The following GLUL variants were observed in gnomAD, a reference collection of about 807,000 sequenced individuals.
GLUL encodes the protein glutamine synthetase.
Under a neutral mutation model 36.9 loss-of-function variants are expected in GLUL, and 8 were observed. That is an observed-to-expected ratio of 0.22 (90% CI 0.13 to 0.39). The LOEUF is 0.39. Ranked by LOEUF, GLUL falls within the 10% of genes least tolerant of loss-of-function variation. The pLI is 1.00. For missense variants in GLUL, 315 were observed against 501.8 expected, an observed-to-expected ratio of 0.63 and a Z score of 3.56; for synonymous variants, 182 against 172.8, an observed-to-expected ratio of 1.05 and a Z score of -0.42.
intron 1 of GLUL, chr1:182,390,777 AG>A (rs1266663504): frequency 2.5e-6 from 1 of 399,026 alleles, no homozygotes; most frequent in Admixed American, 4.4e-5. Flanking sequence ...GACCCGGAGG[AG>A]TCTGACTTCT....
chr1:182,388,666 C>T lies in GLUL; in HGVS notation c.72G>A (p.Glu24=). 6.2e-7 allele frequency: 1 copy of T among 1,613,824 alleles called. No homozygotes were observed. The highest frequency in any genetic ancestry group is 1.7e-4 in the Middle Eastern group (1 of 6,060). The change falls in exon 2 of 7, where the codon GAG becomes GAA. Residue 24 remains glutamate (E), a synonymous_variant. Transcript: ENST00000331872. Reference sequence around the variant, plus strand: ...TCCAGATATACATGGCCTGGACTTTCTCACCCTGAGGCAGGGACATGTACA... The same window carrying T: ...TCCAGATATACATGGCCTGGACTTTTTCACCCTGAGGCAGGGACATGTACA... The part of the protein sequence containing the change: ...KQVYMSLPQG[E]KVQAMYIWID...
intron 2 of GLUL, among the ~76,000 whole-genome samples, 165 bp downstream of exon 2, chr1:182,388,407 A>G (rs547505954): frequency 2.6e-5 from 4 of 152,304 alleles, no homozygotes; most frequent in African/African-American, 9.6e-5. Context: ...GCTTTGAGGC[A>G]GTGTAGGAGC....
chr1:182,384,186 G>A lies in GLUL; in HGVS notation c.*219C>T. ...CCCACTAATGCACTAAAAAGCTTCA[G>A]TGATAGGGAAAAAAAGGAGGGTAGG... On this transcript the variant is annotated 3_prime_UTR_variant, in exon 7 of 7. Coordinates refer to ENST00000331872, the MANE Select transcript of GLUL (RefSeq NM_001033044.4). The A allele has an allele frequency of 1.8e-6, 1 of 552,330 alleles. No homozygotes were observed. The highest frequency in any genetic ancestry group is 3.0e-5 in the Admixed American group (1 of 32,940). 34.2% of individuals were successfully genotyped at this position (552,330 alleles called of 1,614,324 possible).
At chr1:182,385,195 T>C in intron 6 of GLUL, 162 bp downstream of exon 6, 1 of 657,014 alleles carries the variant, frequency 1.5e-6, no homozygotes, top group Admixed American at 2.3e-5. Flanking sequence ...AAGGCAAGTG[T>C]CAACACCTAA....
chr1:182,379,549 ATT>A lies in GLUL; in HGVS notation c.*4854_*4855del, dbSNP rs970464169. ...AAACTGCCAGTTTACATCAGTTATA[ATT>A]TTTTTTTGTTTTTTTGAGACAGGGT... On this transcript the variant is annotated 3_prime_UTR_variant, in exon 7 of 7. Coordinates refer to ENST00000331872, the MANE Select transcript of GLUL (RefSeq NM_001033044.4). 6.7e-6 allele frequency among the ~76,000 whole-genome samples: 1 copy of A among 150,066 alleles called. No homozygotes were observed. Among genetic ancestry groups the A allele is most frequent in the Admixed American group, 6.6e-5 (1 of 15,064 alleles).
chr1:182,391,410 G>T (rs546447641), intron 1 of GLUL: 1 of 394,246 alleles, frequency 2.5e-6, no homozygotes, highest in South Asian at 1.4e-4. Flanking sequence ...GTAGTGAAAA[G>T]AAGATCAAAA....
rs1020554802 is a variant in GLUL at position 182,386,413 on chromosome 1, G to C, written c.329-11C>G. The C allele has an allele frequency of 6.3e-7, 1 of 1,597,126 alleles. No homozygotes were observed. The highest frequency in any genetic ancestry group is 8.6e-7 in the Non-Finnish European group (1 of 1,164,656). On this transcript the variant is annotated splice_polypyrimidine_tract_variant and intron_variant, in intron 3 of 6. Transcript: ENST00000331872. ...GCCTCAAATTGGTCTCTAGAAAAAA[G>C]AGTCAATAATACGCCATCAGGGATC...
At position 182,379,369 on chromosome 1, in the gene GLUL, CCCA is replaced by C. The variant is rs989409740; in HGVS notation, c.*5033_*5035del. Among the ~76,000 whole-genome samples the C allele has an allele frequency of 2.6e-5, 4 of 151,968 alleles. No individual in the cohort carries two copies. The highest frequency in any genetic ancestry group is 4.8e-5 in the African/African-American group (2 of 41,368). Reference sequence around the variant, plus strand: ...TCCTGAGTAGCTGGAATTATAGGCACCCACCACCACATCTTGCTAATTTTGGTA... The same window carrying C: ...TCCTGAGTAGCTGGAATTATAGGCACCCACCACATCTTGCTAATTTTGGTA... On this transcript the variant is annotated 3_prime_UTR_variant, in exon 7 of 7. Transcript: ENST00000331872.
chr1:182,385,912 C>T (rs1329564535), intron 4 of GLUL, 25 bp from the exon 5 acceptor site: 1 of 1,610,374 alleles, frequency 6.2e-7, no homozygotes. Flanking sequence ...GGACAAAACA[C>T]TAAGAGTCAA....
chr1:182,382,444 C>T lies in GLUL; in HGVS notation c.*1961G>A, dbSNP rs542537003. ...GATGAGCCCATGCCTAGGGCATAGCCAGCCTTGGAAGGCTTCAACCAGGGT... is the reference window on the plus strand; with the variant it reads ...GATGAGCCCATGCCTAGGGCATAGCTAGCCTTGGAAGGCTTCAACCAGGGT... On this transcript the variant is annotated 3_prime_UTR_variant, in exon 7 of 7. Transcript: ENST00000331872. The T allele has an allele frequency of 6.6e-5, 10 of 152,168 alleles. No individual in the cohort carries two copies. Among genetic ancestry groups the T allele is most frequent in the Non-Finnish European group, 1.5e-4 (10 of 68,044 alleles). 9.4% of individuals were successfully genotyped at this position (152,168 alleles called of 1,614,324 possible).
At position 182,384,489 on chromosome 1, in the gene GLUL, G is replaced by A. The variant is rs776531451; in HGVS notation, c.1038C>T (p.Cys346=). The change falls in exon 7 of 7, where the codon TGC becomes TGT. Residue 346 remains cysteine, a synonymous_variant. Coordinates refer to ENST00000331872, the MANE Select transcript of GLUL (RefSeq NM_001033044.4). ...GGGCTTCTGTCACCGAAAAGGGGTCGCAGTTGGCAGAGGGGCGACGATCTT... is the reference window on the plus strand; with the variant it reads ...GGGCTTCTGTCACCGAAAAGGGGTCACAGTTGGCAGAGGGGCGACGATCTT... ...YFEDRRPSAN[C]DPFSVTEALI... is the part of the protein sequence containing the mutation. 5.5e-5 allele frequency: 89 copies of A among 1,613,678 alleles called. No homozygotes were observed. The highest frequency in any genetic ancestry group is 4.9e-4 in the Middle Eastern group (3 of 6,078).
At position 182,388,474 on chromosome 1, in the gene GLUL, GAAGA is replaced by G. The variant is rs1355089950; in HGVS notation, c.166+94_166+97del. 50 of 1,066,766 alleles carry G rather than the reference GAAGA, an allele frequency of 4.7e-5. 2 individuals are homozygous for G. The highest frequency in any genetic ancestry group is 4.5e-4 in the South Asian group (36 of 79,242). 66.1% of individuals were successfully genotyped at this position (1,066,766 alleles called of 1,614,324 possible). ...CTGCCTTAGAAAACCTTTACAAACA[GAAGA>G]AAGAGGCCTAATCCAGAGGCTGAGT... On this transcript the variant is annotated intron_variant, in intron 2 of 6. Coordinates refer to ENST00000331872, the MANE Select transcript of GLUL (RefSeq NM_001033044.4).
rs1649932227 is a variant in GLUL, at chr1:182,381,686, G to A, written c.*2719C>T. On this transcript the variant is annotated 3_prime_UTR_variant, in exon 7 of 7. Coordinates refer to ENST00000331872, the MANE Select transcript of GLUL (RefSeq NM_001033044.4). Reference sequence around the variant, plus strand: ...ATTTTGTCATGGAATTGATTACAATGAACAAAATCCAAAGTGCTCAGGTCA... The same window carrying A: ...ATTTTGTCATGGAATTGATTACAATAAACAAAATCCAAAGTGCTCAGGTCA... The A allele has an allele frequency of 6.6e-6, 1 of 152,118 alleles. No homozygotes were observed. The highest frequency in any genetic ancestry group is 1.5e-5 in the Non-Finnish European group (1 of 68,028). The allele number at this position is 152,118 out of a possible 1,614,324, so 9.4% of individuals were successfully genotyped here. A position where few individuals can be genotyped will look rare whatever the true frequency, so the allele number is the denominator to read the frequency against.
rs1558156882 is a variant in GLUL, at chr1:182,384,449, G to A, written c.1078C>T (p.Leu360Phe). The A allele has an allele frequency of 2.5e-6, 4 of 1,613,718 alleles. No individual in the cohort carries two copies. Among genetic ancestry groups the A allele is most frequent in the Non-Finnish European group, 2.5e-6 (3 of 1,179,784 alleles). Residue 360 changes from leucine (L) to phenylalanine (F), a missense_variant, in exon 7 of 7, where the codon CTT (leucine) becomes TTT (phenylalanine). Leu to Phe is a conservative substitution (Grantham distance 22). Coordinates refer to ENST00000331872, the MANE Select transcript of GLUL (RefSeq NM_001033044.4). The part of the protein sequence containing the change: ...SVTEALIRTC[L>F]LNETGDEPFQ... Reference sequence around the variant, plus strand: ...GGCTCATCGCCGGTTTCATTGAGAAGACACGTGCGGATGAGGGCTTCTGTC... The same window carrying A: ...GGCTCATCGCCGGTTTCATTGAGAAAACACGTGCGGATGAGGGCTTCTGTC...
At position 182,384,483 on chromosome 1, in the gene GLUL, G is replaced by A. The variant is rs767177526; in HGVS notation, c.1044C>T (p.Pro348=). The change falls in exon 7 of 7, where the codon CCC becomes CCT. Residue 348 remains proline (P), a synonymous_variant. Coordinates refer to ENST00000331872, the MANE Select transcript of GLUL (RefSeq NM_001033044.4). ...EDRRPSANCD[P]FSVTEALIRT... is the part of the protein sequence containing the mutation. ...GGATGAGGGCTTCTGTCACCGAAAA[G>A]GGGTCGCAGTTGGCAGAGGGGCGAC... 1 of 1,613,936 alleles carries A rather than the reference G, an allele frequency of 6.2e-7. No individual in the cohort carries two copies. The highest frequency in any genetic ancestry group is 8.5e-7 in the Non-Finnish European group (1 of 1,179,830).
At chr1:182,388,801 C>A in intron 1 of GLUL, 51 bp from the exon 2 acceptor site, 1 of 1,438,174 alleles carries the variant, frequency 7.0e-7, no homozygotes, top group Non-Finnish European at 9.8e-7. Flanking sequence ...CAAACTGATC[C>A]CCTGCAAAAA....
intron 2 of GLUL, 89 bp downstream of exon 2, chr1:182,388,483 G>T: frequency 8.9e-7 from 1 of 1,121,452 alleles, no homozygotes; most frequent in Non-Finnish European, 1.4e-6. Context: ...AGAAGAAAGA[G>T]GCCTAATCCA....
chr1:182,384,009 C>A lies in GLUL; in HGVS notation c.*396G>T. 4.0e-6 allele frequency: 1 copy of A among 247,610 alleles called. No homozygotes were observed. Among genetic ancestry groups the A allele is most frequent in the Non-Finnish European group, 8.1e-6 (1 of 123,792 alleles). 15.3% of individuals were successfully genotyped at this position (247,610 alleles called of 1,614,324 possible). A position where few individuals can be genotyped will look rare whatever the true frequency, so the allele number is the denominator to read the frequency against. ...AAAGTTTCCACCACGAGGGCAAGTCCTAACCTAACCAGAGTACGTCAGGTC... is the reference window on the plus strand; with the variant it reads ...AAAGTTTCCACCACGAGGGCAAGTCATAACCTAACCAGAGTACGTCAGGTC... On this transcript the variant is annotated 3_prime_UTR_variant, in exon 7 of 7. Coordinates refer to ENST00000331872, the MANE Select transcript of GLUL (RefSeq NM_001033044.4).
At chr1:182,391,148 G>A in intron 1 of GLUL, 1 of 398,590 alleles carries the variant, frequency 2.5e-6, no homozygotes, top group Non-Finnish European at 4.4e-6. Context: ...CCCCGAGGCG[G>A]GAGCCGGCCG....
Sources: gnomAD v4.1 joint callset for allele counts (sites outside exome capture counted in the v4.1 genomes callset) on GRCh38, gnomAD v4.1.1 for gene constraint, MANE v1.5 for transcripts, NCBI Gene and HGNC (gene_info 2026-07-23, HGNC 2026-07-21) for gene names.